WDPCP: variants seen among roughly 807,000 people sequenced by gnomAD.
WDPCP encodes WD repeat-containing and planar cell polarity effector protein fritz homolog.
A neutral mutation model predicts 93.1 loss-of-function variants in WDPCP; 71 were observed. The ratio of observed to expected loss-of-function variants is 0.76; its 90% CI spans 0.63 to 0.93. The LOEUF is 0.93. Among genes scored for constraint, WDPCP ranks in the 40% least tolerant of loss-of-function variants. The pLI, the probability that WDPCP is intolerant of heterozygous loss-of-function variation, is 0.00. For synonymous variants in WDPCP, 315 were observed against 315.0 expected (o/e 1.00, Z 0.00); for missense variants, 844 against 887.4 (o/e 0.95, Z 0.62).
intron 6 of WDPCP, among the ~76,000 whole-genome samples, chr2:63,483,833 A>G (rs1357436963): frequency 6.6e-6 from 1 of 151,964 alleles, no homozygotes; most frequent in African/African-American, 2.4e-5. Context: ...CTAGGCATAT[A>G]GTACTTTTTA....
intron 2 of WDPCP, among the ~76,000 whole-genome samples, chr2:63,800,864 G>A (rs1230770841): frequency 6.6e-6 from 1 of 151,854 alleles, no homozygotes; most frequent in African/African-American, 2.4e-5. Flanking sequence ...GGCCAGCCTG[G>A]GCAACAGAGA....
the WDPCP span, among the ~76,000 whole-genome samples, chr2:63,835,410 A>G: frequency 3.8e-4 from 58 of 151,044 alleles, no homozygotes; most frequent in Middle Eastern, 6.8e-3. Context: ...AAAAAAAAAA[A>G]AAGAAGAAAA....
intron 12 of WDPCP, among the ~76,000 whole-genome samples, chr2:63,341,738 T>C (rs1418729590): frequency 6.6e-6 from 1 of 152,214 alleles, no homozygotes; most frequent in Non-Finnish European, 1.5e-5. Flanking sequence ...ACATGTTAAA[T>C]ATGTAATATC....
At chr2:63,677,390 G>T (rs940492471) in intron 2 of WDPCP, among the ~76,000 whole-genome samples, 4 of 152,026 alleles carry the variant, frequency 2.6e-5, no homozygotes, top group African/African-American at 9.7e-5. Flanking sequence ...AGAAGATCCA[G>T]ATACTGAAGT....
intron 2 of WDPCP, among the ~76,000 whole-genome samples, chr2:63,692,135 G>T (rs2103672985): frequency 6.6e-6 from 1 of 152,168 alleles, no homozygotes; most frequent in Non-Finnish European, 1.5e-5. Context: ...GCCTGATTTT[G>T]TTAGAGCCTT....
At chr2:63,769,287 A>T (rs1670190879) in intron 2 of WDPCP, among the ~76,000 whole-genome samples, 2 of 151,994 alleles carry the variant, frequency 1.3e-5, no homozygotes, top group African/African-American at 4.8e-5. Flanking sequence ...CTCACTGAGA[A>T]AAAGAAGCTC....
intron 14 of WDPCP, among the ~76,000 whole-genome samples, chr2:63,207,164 A>G (rs899157612): frequency 6.6e-6 from 1 of 152,162 alleles, no homozygotes; most frequent in Admixed American, 6.5e-5. Flanking sequence ...TAGATGTCTC[A>G]AGTCATGTTG....
intron 2 of WDPCP, among the ~76,000 whole-genome samples, chr2:63,687,634 A>G (rs1266188185): frequency 6.6e-6 from 1 of 152,232 alleles, no homozygotes; most frequent in Admixed American, 6.5e-5. Context: ...CTATAGTGAG[A>G]TATCATCTCA....
At chr2:63,453,810 A>T (rs981250807) in intron 6 of WDPCP, among the ~76,000 whole-genome samples, 27 of 151,656 alleles carry the variant, frequency 1.8e-4, no homozygotes, top group Admixed American at 2.6e-4. Flanking sequence ...CGGATGAAGC[A>T]GGAAACCATC....
chr2:63,571,228 A>G (rs1159676592), intron 1 of WDPCP: 2 of 374,458 alleles, frequency 5.3e-6, no homozygotes, highest in Non-Finnish European at 1.0e-5. Flanking sequence ...ATTATTTAAC[A>G]TTACCATGTG....
At chr2:63,607,826 CAAA>C (rs60229846) in intron 3 of WDPCP, among the ~76,000 whole-genome samples, 14 of 118,956 alleles carry the variant, frequency 1.2e-4, no homozygotes, top group Admixed American at 1.7e-4. Flanking sequence ...GACTCCGTCT[CAAA>C]AAAAAAAAAA....
chr2:63,753,862 G>A (rs947290392), intron 2 of WDPCP, among the ~76,000 whole-genome samples: 1 of 152,142 alleles, frequency 6.6e-6, no homozygotes, highest in East Asian at 1.9e-4. Flanking sequence ...CTTACCTCTC[G>A]TGTTCAGTTT....
At chr2:63,493,695 C>T (rs1331470240) in intron 1 of WDPCP, among the ~76,000 whole-genome samples, 1 of 151,230 alleles carries the variant, frequency 6.6e-6, no homozygotes, top group East Asian at 1.9e-4. Flanking sequence ...GGCTAGTCTG[C>T]ATTAGAAAAA....
chr2:63,687,592 A>G (rs567744501), intron 2 of WDPCP, among the ~76,000 whole-genome samples: 16 of 152,338 alleles, frequency 1.1e-4, no homozygotes, highest in African/African-American at 3.8e-4. Flanking sequence ...GGTGCTCAAT[A>G]TCATTCATCA....
intron 17 of WDPCP, among the ~76,000 whole-genome samples, chr2:63,144,966 C>T (rs1378809146): frequency 6.6e-6 from 1 of 152,196 alleles, no homozygotes; most frequent in Non-Finnish European, 1.5e-5. Flanking sequence ...ATGTAGTACT[C>T]TCCCCCTTTT....
intron 2 of WDPCP, among the ~76,000 whole-genome samples, chr2:63,730,324 G>A (rs879445234): frequency 6.6e-6 from 1 of 152,044 alleles, no homozygotes; most frequent in Non-Finnish European, 1.5e-5. Context: ...AAACCCACAG[G>A]GAGGAAAATT....
chr2:63,622,971 A>C, intron 3 of WDPCP: 1 of 688,854 alleles, frequency 1.5e-6, no homozygotes. Flanking sequence ...CACGGCGCCC[A>C]AGCAGCTGCT....
At chr2:63,210,002 T>C (rs1198694689) in intron 14 of WDPCP, among the ~76,000 whole-genome samples, 2 of 152,174 alleles carry the variant, frequency 1.3e-5, no homozygotes, top group Non-Finnish European at 2.9e-5. Flanking sequence ...GGTGGCATTA[T>C]ACAGATCTCT....
chr2:63,693,561 A>G (rs1402625152), intron 2 of WDPCP, among the ~76,000 whole-genome samples: 2 of 152,128 alleles, frequency 1.3e-5, no homozygotes, highest in Admixed American at 6.6e-5. Flanking sequence ...ACAAGGAGGA[A>G]GTAGGAAAGG....
Sources: allele counts gnomAD v4.1 joint callset (sites outside exome capture counted in the v4.1 genomes callset), GRCh38; gene constraint gnomAD v4.1.1; transcripts MANE v1.5; gene names NCBI Gene and HGNC (gene_info 2026-07-23, HGNC 2026-07-21).